USH2A: variants seen among roughly 807,000 people sequenced by gnomAD.
USH2A encodes the protein usherin, also known as Usher syndrome 2A (autosomal recessive, mild).
Under a neutral mutation model 538.9 loss-of-function variants are expected in USH2A, and 443 were observed. That is an observed-to-expected ratio of 0.82 (90% CI 0.76 to 0.89). The LOEUF is 0.89. USH2A is among the 40% of genes least tolerant of loss of function. The probability of loss-of-function intolerance (pLI) is 0.00; values close to 1 mark genes in which losing one functional copy is unlikely to be tolerated. For missense variants in USH2A, 6,633 were observed against 6,324.8 expected, an observed-to-expected ratio of 1.05 and a Z score of -1.65; for synonymous variants, 2,413 against 2,273.5, an observed-to-expected ratio of 1.06 and a Z score of -1.75.
In USH2A at chr1:215,705,890, C is replaced by T. The variant is rs140450062; in HGVS notation, c.12066+22140G>A. Among the ~76,000 whole-genome samples, 713 of 152,326 alleles carry T rather than the reference C, an allele frequency of 4.7e-3. 12 individuals carry two copies. Among genetic ancestry groups the T allele is most frequent in the African/African-American group, 0.017 (687 of 41,568 alleles). ...GAAAGACACATCTGACTACTATATTCAGTGACTGATGCTGCTGTTCTCAAA... is the reference window on the plus strand; with the variant it reads ...GAAAGACACATCTGACTACTATATTTAGTGACTGATGCTGCTGTTCTCAAA... On this transcript the variant is annotated intron_variant, in intron 61 of 71. Coordinates refer to ENST00000307340, the MANE Select transcript of USH2A (RefSeq NM_206933.4).
At chr1:215,631,906 T>C (rs1558030286) in intron 70 of USH2A, among the ~76,000 whole-genome samples, 1 of 152,242 alleles carries the variant, frequency 6.6e-6, no homozygotes, top group African/African-American at 2.4e-5. Context: ...TTAGCCTGTG[T>C]GGTGTCAGGA....
intron 4 of USH2A, among the ~76,000 whole-genome samples, chr1:216,332,822 G>A (rs1229038131): frequency 6.6e-6 from 1 of 152,110 alleles, no homozygotes; most frequent in African/African-American, 2.4e-5. Flanking sequence ...AGTAGTAATA[G>A]TGACAAATAG....
chr1:215,929,716 C>G (rs1666317823), intron 38 of USH2A, among the ~76,000 whole-genome samples: 1 of 152,042 alleles, frequency 6.6e-6, no homozygotes, highest in Non-Finnish European at 1.5e-5. Flanking sequence ...GTGGGAATTA[C>G]CATCCAGCCT....
At chr1:216,125,925 T>C (rs1347587611) in intron 21 of USH2A, among the ~76,000 whole-genome samples, 1 of 152,216 alleles carries the variant, frequency 6.6e-6, no homozygotes, top group African/African-American at 2.4e-5. Context: ...AGGTCTTTTA[T>C]CATTATAAGA....
chr1:216,228,904 C>G (rs972486343), intron 14 of USH2A, among the ~76,000 whole-genome samples: 1 of 151,976 alleles, frequency 6.6e-6, no homozygotes, highest in African/African-American at 2.4e-5. Context: ...AACACACACT[C>G]GGCTCAAGCC....
At chr1:215,868,070 G>A (rs1664526562) in intron 43 of USH2A, among the ~76,000 whole-genome samples, 1 of 152,112 alleles carries the variant, frequency 6.6e-6, no homozygotes, top group South Asian at 2.1e-4. Context: ...GAGGCATCCA[G>A]GACACAGGGC....
At chr1:215,860,597 A>T (rs1236837966) in intron 44 of USH2A, among the ~76,000 whole-genome samples, 1 of 152,164 alleles carries the variant, frequency 6.6e-6, no homozygotes, top group East Asian at 1.9e-4. Context: ...GGCCATGCTT[A>T]TTTAAAAATC....
chr1:216,333,184 C>G (rs996978630), intron 4 of USH2A, among the ~76,000 whole-genome samples: 25 of 151,984 alleles, frequency 1.6e-4, no homozygotes, highest in African/African-American at 4.3e-4. Flanking sequence ...TGGCTCATGC[C>G]TGTAATCCCA....
intron 1 of USH2A, among the ~76,000 whole-genome samples, chr1:216,422,999 G>T (rs2039704708): frequency 6.6e-6 from 1 of 151,962 alleles, no homozygotes; most frequent in African/African-American, 2.4e-5. Flanking sequence ...AAATAAAGCT[G>T]GCAAAGGACT....
intron 3 of USH2A, among the ~76,000 whole-genome samples, chr1:216,372,153 A>G (rs995352074): frequency 3.3e-5 from 5 of 152,112 alleles, no homozygotes; most frequent in African/African-American, 4.8e-5. Flanking sequence ...CTTAAATTTT[A>G]TTTGTTTTGA....
chr1:216,174,468 G>T (rs1288139770), intron 21 of USH2A: 20 of 985,242 alleles, frequency 2.0e-5, no homozygotes, highest in Non-Finnish European at 2.3e-5. Flanking sequence ...GGAGGGTAAG[G>T]CCAGTGAGGC....
chr1:215,840,118 G>A (rs1663633555), intron 46 of USH2A, among the ~76,000 whole-genome samples: 2 of 129,668 alleles, frequency 1.5e-5, no homozygotes, highest in African/African-American at 5.9e-5. Flanking sequence ...AGCCGAGATC[G>A]TGCCAATGCA....
intron 11 of USH2A, among the ~76,000 whole-genome samples, chr1:216,282,089 T>C (rs1156409227): frequency 6.6e-6 from 1 of 152,260 alleles, no homozygotes; most frequent in East Asian, 1.9e-4. Flanking sequence ...GTTCTTCATA[T>C]ATACTAGACA....
At chr1:215,743,133 AC>A in intron 59 of USH2A, 43 bp downstream of exon 59, 2 of 1,597,418 alleles carry the variant, frequency 1.3e-6, no homozygotes, top group Non-Finnish European at 1.7e-6. Flanking sequence ...TTAATGAAAT[AC>A]TTTTTCATAA....
At chr1:216,337,735 AT>A (rs2038000835) in intron 4 of USH2A, among the ~76,000 whole-genome samples, 1 of 151,350 alleles carries the variant, frequency 6.6e-6, no homozygotes, top group African/African-American at 2.4e-5. Context: ...TAAATATATT[AT>A]TTGCAAATTA....
At chr1:215,626,148 C>T (rs2102621677) in intron 71 of USH2A, among the ~76,000 whole-genome samples, 1 of 151,466 alleles carries the variant, frequency 6.6e-6, no homozygotes. Context: ...AAGCCTCAGT[C>T]TACTCATCTG....
At chr1:215,816,713 A>G (rs775972785) in intron 48 of USH2A, among the ~76,000 whole-genome samples, 56 of 152,084 alleles carry the variant, frequency 3.7e-4, no homozygotes, top group Non-Finnish European at 7.6e-4. Context: ...AGCTGAAAAG[A>G]TCTGTTGTAA....
At chr1:215,852,803 C>T (rs1334888458) in intron 44 of USH2A, among the ~76,000 whole-genome samples, 2 of 152,184 alleles carry the variant, frequency 1.3e-5, no homozygotes, top group Non-Finnish European at 1.5e-5. Context: ...TCTTTTGAAT[C>T]CATGTCTCAC....
intron 22 of USH2A, among the ~76,000 whole-genome samples, chr1:216,092,376 G>T (rs999405617): frequency 6.6e-6 from 1 of 152,022 alleles, no homozygotes; most frequent in Non-Finnish European, 1.5e-5. Context: ...AATCTCGTCC[G>T]CATTTAAAGA....
Sources: allele counts gnomAD v4.1 joint callset (sites outside exome capture counted in the v4.1 genomes callset), GRCh38; gene constraint gnomAD v4.1.1; transcripts MANE v1.5; gene names NCBI Gene and HGNC (gene_info 2026-07-23, HGNC 2026-07-21).